The following PRRX2 variants were observed in gnomAD, a reference collection of about 807,000 sequenced individuals.
PRRX2 encodes paired mesoderm homeobox protein 2.
A neutral mutation model predicts 18.0 loss-of-function variants in PRRX2; 11 were observed. The observed-to-expected ratio is 0.61, with a 90% confidence interval of 0.39 to 1.01. The LOEUF is 1.01. Ranked by LOEUF, PRRX2 falls within the 50% of genes least tolerant of loss-of-function variation. PRRX2 has a pLI of 0.01. For missense variants in PRRX2, 387 were observed against 351.0 expected, an observed-to-expected ratio of 1.10 and a Z score of -0.82; for synonymous variants, 177 against 154.8, an observed-to-expected ratio of 1.14 and a Z score of -1.06.
chr9:129,683,474 G>A (rs1369060476), intron 1 of PRRX2, among the ~76,000 whole-genome samples: 5 of 152,064 alleles, frequency 3.3e-5, no homozygotes, highest in Non-Finnish European at 5.9e-5. Flanking sequence ...GGTGGCTCAC[G>A]CCTGTAATCC....
Position 129,719,269 on chromosome 9 carries a change from C to G in PRRX2, c.298C>G (p.Arg100Gly), listed in dbSNP as rs746928887. The stretch of plus-strand genomic sequence containing the variant: ...CCCGGGGCGCGGTAGCGCCGCCAAG[C>G]GGAAGAAGAAGCAGCGGCGGAACCG... ...PSPGRGSAAK[R>G]KKKQRRNRTT... Residue 100 changes from arginine to glycine, a missense_variant, in exon 2 of 4, where the codon CGG (arginine) becomes GGG (glycine). Arg to Gly is a moderately radical substitution (Grantham distance 125). Transcript: ENST00000372469. 1.2e-5 allele frequency: 20 copies of G among 1,607,526 alleles called. No homozygotes were observed. The highest frequency in any genetic ancestry group is 2.7e-5 in the African/African-American group (2 of 74,816).
At chr9:129,720,400 T>C (rs1054615618) in intron 2 of PRRX2, among the ~76,000 whole-genome samples, 196 bp from the exon 3 acceptor site, 2 of 152,216 alleles carry the variant, frequency 1.3e-5, no homozygotes, top group Non-Finnish European at 2.9e-5. Flanking sequence ...TCTCCATTCA[T>C]TGGTGTTCTC....
Position 129,715,750 on chromosome 9 carries a change from T to TCTCTCTCTCA in PRRX2, c.260-3480_260-3479insTCTCTCTCAC, listed in dbSNP as rs762929485. On this transcript the variant is annotated intron_variant, in intron 1 of 3. Coordinates refer to ENST00000372469, the MANE Select transcript of PRRX2 (RefSeq NM_016307.4). This position sits in a 1 kb window ranked among gnomAD's most constrained non-coding sequence, Gnocchi z 4.0. Reference sequence around the variant, plus strand: ...AAACCCAGCTTCAGGGACATCTTTCTCACACACACACACACACACACACAC... The same window carrying TCTCTCTCTCA: ...AAACCCAGCTTCAGGGACATCTTTCTCTCTCTCTCACACACACACACACACACACACACAC... 2.3e-3 allele frequency among the ~76,000 whole-genome samples: 317 copies of TCTCTCTCTCA among 138,952 alleles called. No individual in the cohort carries two copies. Among genetic ancestry groups the TCTCTCTCTCA allele is most frequent in the African/African-American group, 4.7e-3 (175 of 36,916 alleles). The allele number at this position is 138,952 out of a possible 152,430, so 91.2% of individuals were successfully genotyped here.
rs986727416 is a variant in PRRX2, at chr9:129,706,478, G to A, written c.260-12753G>A. ...CTCGGGAGGCTGAGGCAAGAGAATC[G>A]CTTGAACCTGGGAGGCGGAGGTTGC... On this transcript the variant is annotated intron_variant, in intron 1 of 3. Coordinates refer to ENST00000372469, the MANE Select transcript of PRRX2 (RefSeq NM_016307.4). Among the ~76,000 whole-genome samples the A allele has an allele frequency of 5.3e-5, 8 of 151,882 alleles. No individual in the cohort carries two copies. The East Asian group carries it at 1.5e-3, about 29-fold the overall frequency.
intron 1 of PRRX2, among the ~76,000 whole-genome samples, chr9:129,690,414 A>T (rs561982262): frequency 6.6e-6 from 1 of 151,998 alleles, no homozygotes; most frequent in East Asian, 1.9e-4. Context: ...CAGGATCTGG[A>T]GACCTGAGAG....
At chr9:129,682,411 A>AC (rs1441945888) in intron 1 of PRRX2, among the ~76,000 whole-genome samples, 1 of 151,920 alleles carries the variant, frequency 6.6e-6, no homozygotes, top group Non-Finnish European at 1.5e-5. Context: ...GACCAGCCAT[A>AC]CCCCTGGCAA....
At chr9:129,721,206 G>A (rs1052958364) in intron 3 of PRRX2, among the ~76,000 whole-genome samples, 3 of 152,108 alleles carry the variant, frequency 2.0e-5, no homozygotes, top group East Asian at 1.9e-4. Context: ...AGGCTGTCAC[G>A]GGGGCCCCAG....
At chr9:129,718,389 C>T (rs1832742099) in intron 1 of PRRX2, among the ~76,000 whole-genome samples, 2 of 152,292 alleles carry the variant, frequency 1.3e-5, no homozygotes, top group South Asian at 4.1e-4. Flanking sequence ...CCACACCTGC[C>T]CTGACCCACC....
chr9:129,694,942 C>G (rs947541081), intron 1 of PRRX2, among the ~76,000 whole-genome samples: 3 of 152,222 alleles, frequency 2.0e-5, no homozygotes, highest in African/African-American at 7.2e-5. Flanking sequence ...CCCCTCTCAT[C>G]AGCCCCCCAA....
rs934408802 is a variant in PRRX2 at position 129,675,915 on chromosome 9, A to G, written c.259+9789A>G. 6.6e-6 allele frequency among the ~76,000 whole-genome samples: 1 copy of G among 152,152 alleles called. No homozygotes were observed. The highest frequency in any genetic ancestry group is 2.4e-5 in the African/African-American group (1 of 41,444). On this transcript the variant is annotated intron_variant, in intron 1 of 3. Transcript: ENST00000372469. This position sits in a 1 kb window ranked among gnomAD's most constrained non-coding sequence, Gnocchi z 4.4. ...CCAGTGCACCTCCTTTCATTAGACTAACAAATAACGCGTAACAGAAAACAG... is the reference window on the plus strand; with the variant it reads ...CCAGTGCACCTCCTTTCATTAGACTGACAAATAACGCGTAACAGAAAACAG...
chr9:129,709,606 G>A lies in PRRX2; in HGVS notation c.260-9625G>A, dbSNP rs552997086. ...CCCTGGGGACCTGTCTGACTCCTCG[G>A]GCCCCACTGCGGCTTCCATCATCAC... On this transcript the variant is annotated intron_variant, in intron 1 of 3. Transcript: ENST00000372469. This position sits in a 1 kb window ranked among gnomAD's most constrained non-coding sequence, Gnocchi z 4.2. Among the ~76,000 whole-genome samples, 2 of 152,336 alleles carry A rather than the reference G, an allele frequency of 1.3e-5. No individual in the cohort carries two copies. The highest frequency in any genetic ancestry group is 4.1e-4 in the South Asian group (2 of 4,832).
At chr9:129,672,243 G>A (rs528556781) in intron 1 of PRRX2, among the ~76,000 whole-genome samples, 34 of 152,316 alleles carry the variant, frequency 2.2e-4, no homozygotes, top group Non-Finnish European at 4.4e-4. Context: ...GGGGGTGGCC[G>A]TGGTGGGGCT....
chr9:129,687,998 C>T (rs942591867), intron 1 of PRRX2, among the ~76,000 whole-genome samples: 2 of 152,168 alleles, frequency 1.3e-5, no homozygotes, highest in East Asian at 1.9e-4. Flanking sequence ...TGGGCTCAAG[C>T]GGTCCTCCTG....
chr9:129,711,896 C>T (rs1422509670), intron 1 of PRRX2, among the ~76,000 whole-genome samples: 1 of 152,142 alleles, frequency 6.6e-6, no homozygotes, highest in African/African-American at 2.4e-5. Context: ...CACTTGTGTC[C>T]TTGCTGATGA....
intron 1 of PRRX2, among the ~76,000 whole-genome samples, chr9:129,710,037 CAG>C (rs988864293): frequency 1.3e-5 from 2 of 152,210 alleles, no homozygotes; most frequent in African/African-American, 2.4e-5. Flanking sequence ...TACAGTATAA[CAG>C]AGCTACAATG....
At chr9:129,684,938 G>C (rs979585521) in intron 1 of PRRX2, among the ~76,000 whole-genome samples, 1 of 152,186 alleles carries the variant, frequency 6.6e-6, no homozygotes, top group Non-Finnish European at 1.5e-5. Flanking sequence ...AACTCATTCC[G>C]GGGTTCCTGT....
At chr9:129,682,553 T>G (rs1832246593) in intron 1 of PRRX2, among the ~76,000 whole-genome samples, 1 of 152,098 alleles carries the variant, frequency 6.6e-6, no homozygotes, top group African/African-American at 2.4e-5. Context: ...GTGGTGAGAA[T>G]AGGGACTTGT....
intron 1 of PRRX2, among the ~76,000 whole-genome samples, chr9:129,684,518 A>ACACCCACACACACACACACACACACC (rs1554723045): frequency 1.8e-4 from 7 of 38,370 alleles, no homozygotes; most frequent in Admixed American, 6.5e-4. Flanking sequence ...ACACACACAC[A>ACACCCACACACACACACACACACACC]CACACCCACA....
intron 1 of PRRX2, among the ~76,000 whole-genome samples, chr9:129,674,380 C>T (rs1054615427): frequency 6.6e-5 from 10 of 152,046 alleles, no homozygotes; most frequent in South Asian, 2.1e-4. Flanking sequence ...CTTTTCTGTG[C>T]GTGGGATGGG....
Sources: allele counts gnomAD v4.1 joint callset (sites outside exome capture counted in the v4.1 genomes callset), GRCh38; gene constraint gnomAD v4.1.1; non-coding constraint Gnocchi (gnomAD v3.1); transcripts MANE v1.5; gene names NCBI Gene and HGNC (gene_info 2026-07-23, HGNC 2026-07-21).